Variants in SEMA6D observed in about 807,000 individuals in gnomAD.
The protein encoded by SEMA6D is semaphorin 6D.
A neutral mutation model predicts 106.6 loss-of-function variants in SEMA6D; 35 were observed. The ratio of observed to expected loss-of-function variants is 0.33; its 90% CI spans 0.25 to 0.44. The LOEUF (loss-of-function observed/expected upper bound fraction) is 0.44, where lower values mean the gene tolerates loss of function less well. Among genes scored for constraint, SEMA6D ranks in the 20% least tolerant of loss-of-function variants. The pLI, the probability that SEMA6D is intolerant of heterozygous loss-of-function variation, is 1.00. For missense variants in SEMA6D, 1,185 were observed against 1,345.9 expected (o/e 0.88, Z 1.87); for synonymous variants, 499 against 487.7 (o/e 1.02, Z -0.31).
intron 2 of SEMA6D, among the ~76,000 whole-genome samples, chr15:47,453,276 A>G (rs1041659759): frequency 1.3e-5 from 2 of 151,738 alleles, no homozygotes; most frequent in African/African-American, 4.8e-5. Flanking sequence ...AAATGACTTA[A>G]GTGCCCTTTC....
intron 4 of SEMA6D, among the ~76,000 whole-genome samples, chr15:47,666,964 A>G (rs1360657463): frequency 6.6e-6 from 1 of 152,082 alleles, no homozygotes; most frequent in Non-Finnish European, 1.5e-5. Flanking sequence ...CTCGTAGATA[A>G]TCCAATCAGT....
Position 47,582,678 on chromosome 15 carries a change from G to C in SEMA6D, c.-86-18187G>C, listed in dbSNP as rs75106388. ...CATGTCTCTTGTCTCTAGAAGACTG[G>C]GGAGGAGACGGTGGGTGATGAGGTA... is the stretch of plus-strand genomic sequence containing the variant. On this transcript the variant is annotated intron_variant, in intron 3 of 19. Coordinates refer to the SEMA6D transcript ENST00000558014. 9.9e-3 allele frequency among the ~76,000 whole-genome samples: 1,513 copies of C among 152,230 alleles called. 20 individuals carry two copies. The highest frequency in any genetic ancestry group is 0.034 in the African/African-American group (1,395 of 41,530).
intron 4 of SEMA6D, among the ~76,000 whole-genome samples, chr15:47,676,712 A>G (rs1358515920): frequency 1.3e-5 from 2 of 152,198 alleles, no homozygotes; most frequent in Non-Finnish European, 2.9e-5. Flanking sequence ...GTACTGTTCA[A>G]GTTACCTATT....
chr15:47,430,729 T>C (rs185422085), intron 2 of SEMA6D, among the ~76,000 whole-genome samples: 3 of 152,174 alleles, frequency 2.0e-5, no homozygotes, highest in Admixed American at 2.0e-4. Flanking sequence ...CCCAAGGTAA[T>C]GTCTCAAAGT....
chr15:47,556,216 A>G (rs899129718), intron 3 of SEMA6D, among the ~76,000 whole-genome samples: 3 of 152,184 alleles, frequency 2.0e-5, no homozygotes, highest in Non-Finnish European at 4.4e-5. Flanking sequence ...AGGAATCAAA[A>G]TGGAAGAAGA....
At chr15:47,540,611 A>G (rs960865592) in intron 3 of SEMA6D, among the ~76,000 whole-genome samples, 3 of 152,228 alleles carry the variant, frequency 2.0e-5, no homozygotes, top group South Asian at 4.1e-4. Flanking sequence ...CTAATTGGTC[A>G]GCAGCTACAT....
At chr15:47,536,079 G>A (rs2045153973) in intron 3 of SEMA6D, among the ~76,000 whole-genome samples, 1 of 152,158 alleles carries the variant, frequency 6.6e-6, no homozygotes, top group East Asian at 1.9e-4. Context: ...GCTTTGGAAA[G>A]ATTGATCTGT....
chr15:47,646,115 A>G (rs1004930609), intron 4 of SEMA6D, among the ~76,000 whole-genome samples: 1 of 152,122 alleles, frequency 6.6e-6, no homozygotes, highest in Non-Finnish European at 1.5e-5. Context: ...TCAGTCTTCT[A>G]TCCTCCCCAG....
intron 1 of SEMA6D, among the ~76,000 whole-genome samples, chr15:47,202,573 C>A (rs1367518568): frequency 6.6e-6 from 1 of 152,140 alleles, no homozygotes; most frequent in Non-Finnish European, 1.5e-5. Context: ...AGATGCAAGA[C>A]CCTGGAAGTA....
At chr15:47,584,238 C>A (rs1277981484) in intron 3 of SEMA6D, among the ~76,000 whole-genome samples, 1 of 152,164 alleles carries the variant, frequency 6.6e-6, no homozygotes, top group Non-Finnish European at 1.5e-5. Flanking sequence ...GCCTGACCAA[C>A]ATGGTGAAAC....
intron 1 of SEMA6D, among the ~76,000 whole-genome samples, chr15:47,199,496 A>C (rs141984372): frequency 2.7e-4 from 41 of 152,268 alleles, no homozygotes; most frequent in African/African-American, 9.9e-4. Flanking sequence ...TTTTACTTGG[A>C]ATATGTTTTA....
intron 3 of SEMA6D, among the ~76,000 whole-genome samples, chr15:47,557,915 T>C (rs2045962056): frequency 2.0e-5 from 3 of 152,116 alleles, no homozygotes; most frequent in Non-Finnish European, 4.4e-5. Context: ...TTCCTTGCCA[T>C]GAAGAGAAGC....
At chr15:47,660,431 A>G (rs1428208104) in intron 4 of SEMA6D, among the ~76,000 whole-genome samples, 1 of 152,190 alleles carries the variant, frequency 6.6e-6, no homozygotes, top group East Asian at 1.9e-4. Flanking sequence ...AACCTATGGT[A>G]TGTATCTAAG....
At chr15:47,698,159 G>T (rs984282167) in intron 4 of SEMA6D, among the ~76,000 whole-genome samples, 8 of 152,020 alleles carry the variant, frequency 5.3e-5, no homozygotes, top group Non-Finnish European at 8.8e-5. Flanking sequence ...ATCCCTTTGA[G>T]ATTACATATT....
chr15:47,442,121 A>G (rs1396944847), intron 2 of SEMA6D, among the ~76,000 whole-genome samples: 2 of 152,126 alleles, frequency 1.3e-5, no homozygotes, highest in African/African-American at 4.8e-5. Context: ...ATGCCTATCA[A>G]ACCTTGTTTG....
chr15:47,564,729 G>T (rs944032449), intron 3 of SEMA6D, among the ~76,000 whole-genome samples: 2 of 152,144 alleles, frequency 1.3e-5, no homozygotes, highest in East Asian at 3.9e-4. Flanking sequence ...GGCCCAAAGT[G>T]AGAACTTATA....
intron 2 of SEMA6D, among the ~76,000 whole-genome samples, chr15:47,419,842 G>A (rs1362141302): frequency 6.6e-6 from 1 of 152,212 alleles, no homozygotes; most frequent in African/African-American, 2.4e-5. Context: ...AGTGAACAAA[G>A]CCACATGAGG....
intron 2 of SEMA6D, among the ~76,000 whole-genome samples, chr15:47,421,478 TTA>T (rs750002565): frequency 4.6e-5 from 7 of 152,092 alleles, no homozygotes; most frequent in Non-Finnish European, 8.8e-5. Context: ...CACTAATAAT[TTA>T]TGTTTATCAT....
At chr15:47,353,767 A>G (rs534010271) in intron 1 of SEMA6D, among the ~76,000 whole-genome samples, 6 of 152,284 alleles carry the variant, frequency 3.9e-5, no homozygotes, top group African/African-American at 1.4e-4. Flanking sequence ...TCTAGAAAGA[A>G]TGAATGCACT....
Sources: gnomAD v4.1 joint callset for allele counts (sites outside exome capture counted in the v4.1 genomes callset) on GRCh38, gnomAD v4.1.1 for gene constraint, MANE v1.5 for transcripts, NCBI Gene and HGNC (gene_info 2026-07-23, HGNC 2026-07-21) for gene names.